The following NCAM2 variants were observed in gnomAD, a reference collection of about 807,000 sequenced individuals.
NCAM2 encodes N-CAM-2.
NCAM2 carries 30 observed loss-of-function variants against 98.1 expected under a neutral mutation model. The observed-to-expected ratio is 0.31, with a 90% CI of 0.23 to 0.41. The LOEUF (loss-of-function observed/expected upper bound fraction) is 0.41. NCAM2 is among the 10% of genes least tolerant of loss of function. NCAM2 has a pLI of 1.00. For missense variants in NCAM2, 867 were observed against 1,005.8 expected (o/e 0.86, Z 1.87); for synonymous variants, 368 against 342.4 (o/e 1.07, Z -0.83).
At chr21:21,088,449 T>A (rs1343554998) in intron 1 of NCAM2, among the ~76,000 whole-genome samples, 7 of 152,224 alleles carry the variant, frequency 4.6e-5, no homozygotes, top group African/African-American at 1.7e-4. Flanking sequence ...TGGGATTCAT[T>A]ACATCTAGTG....
At chr21:21,253,469 T>C (rs531536836) in intron 1 of NCAM2, among the ~76,000 whole-genome samples, 1 of 152,208 alleles carries the variant, frequency 6.6e-6, no homozygotes, top group Admixed American at 6.5e-5. Context: ...TTGGTGCCCT[T>C]TTAAAGAGAC....
chr21:21,348,847 G>T (rs1437674409), intron 8 of NCAM2, among the ~76,000 whole-genome samples: 1 of 152,028 alleles, frequency 6.6e-6, no homozygotes, highest in Non-Finnish European at 1.5e-5. Flanking sequence ...AAGACAGTCT[G>T]TTCAATAAAT....
rs73318646 is a variant in NCAM2 at position 21,265,567 on chromosome 21, G to C, written c.56-15011G>C. On this transcript the variant is annotated intron_variant, in intron 1 of 17. Coordinates refer to ENST00000400546, the MANE Select transcript of NCAM2 (RefSeq NM_004540.5). The stretch of plus-strand genomic sequence containing the variant: ...TATATGTATGTATATATGTATAAGT[G>C]GAATACTACACAGACATTAAAAAAA... Among the ~76,000 whole-genome samples, 1,111 of 147,490 alleles carry C rather than the reference G, an allele frequency of 7.5e-3. 20 individuals are homozygous for C. Among genetic ancestry groups the C allele is most frequent in the African/African-American group, 0.027 (1,077 of 39,966 alleles).
intron 1 of NCAM2, among the ~76,000 whole-genome samples, chr21:21,141,346 T>C (rs1317946437): frequency 1.3e-5 from 2 of 152,166 alleles, no homozygotes; most frequent in Admixed American, 6.6e-5. Context: ...TTGATGATCT[T>C]TGCTAGATCC....
chr21:21,025,376 C>T (rs750358329), intron 1 of NCAM2, among the ~76,000 whole-genome samples: 4 of 152,180 alleles, frequency 2.6e-5, no homozygotes, highest in Non-Finnish European at 5.9e-5. Context: ...AGAGCCACTG[C>T]GCCCGGCCAT....
chr21:21,000,905 C>T (rs2064009310), intron 1 of NCAM2, among the ~76,000 whole-genome samples: 1 of 152,118 alleles, frequency 6.6e-6, no homozygotes, highest in African/African-American at 2.4e-5. Flanking sequence ...AAAAAACAGA[C>T]CTAGTGTAAC....
intron 1 of NCAM2, among the ~76,000 whole-genome samples, chr21:21,184,664 TATTCAA>T (rs1319103903): frequency 6.6e-6 from 1 of 152,160 alleles, no homozygotes; most frequent in Admixed American, 6.6e-5. Context: ...AAAGAGTTAA[TATTCAA>T]ATAACAGTGT....
chr21:21,418,361 G>A (rs2077036729), intron 10 of NCAM2, 112 bp from the exon 11 acceptor site: 1 of 725,768 alleles, frequency 1.4e-6, no homozygotes, highest in Admixed American at 2.3e-5. Context: ...TATATGGTAA[G>A]GAGTTGTTGG....
intron 1 of NCAM2, among the ~76,000 whole-genome samples, chr21:21,224,655 AT>A (rs1449329811): frequency 6.6e-6 from 1 of 152,134 alleles, no homozygotes; most frequent in Non-Finnish European, 1.5e-5. Context: ...CAGTGGCAAT[AT>A]TTGGTAAAGT....
intron 7 of NCAM2, among the ~76,000 whole-genome samples, chr21:21,337,295 C>T (rs995327538): frequency 2.7e-5 from 4 of 148,252 alleles, no homozygotes; most frequent in Admixed American, 1.3e-4. Context: ...GAACATAATA[C>T]ATGAAAATTT....
intron 9 of NCAM2, among the ~76,000 whole-genome samples, chr21:21,403,712 A>G (rs890613254): frequency 1.2e-4 from 19 of 152,220 alleles, no homozygotes; most frequent in Admixed American, 6.5e-5. Flanking sequence ...TGAAGAAGTT[A>G]AATTCCTTCA....
At chr21:21,161,225 T>C (rs1457312029) in intron 1 of NCAM2, among the ~76,000 whole-genome samples, 1 of 151,984 alleles carries the variant, frequency 6.6e-6, no homozygotes. Flanking sequence ...GAATGAAGAT[T>C]AGGGAAACCA....
chr21:21,126,004 G>T (rs1283454058), intron 1 of NCAM2, among the ~76,000 whole-genome samples: 1 of 151,536 alleles, frequency 6.6e-6, no homozygotes, highest in African/African-American at 2.4e-5. Context: ...TTAAGCCAGA[G>T]AATTACTAAG....
intron 8 of NCAM2, among the ~76,000 whole-genome samples, chr21:21,362,020 C>G (rs2075659584): frequency 6.6e-6 from 1 of 152,038 alleles, no homozygotes; most frequent in South Asian, 2.1e-4. Context: ...TTTATTAGCC[C>G]TACTTTAAAT....
At chr21:21,278,088 G>A (rs117072695) in intron 1 of NCAM2, among the ~76,000 whole-genome samples, 2,189 of 152,074 alleles carry the variant, frequency 0.014, 44 homozygotes, top group Admixed American at 0.037. Context: ...AGTTTTAGGG[G>A]AAATAAGATT....
intron 1 of NCAM2, among the ~76,000 whole-genome samples, chr21:21,195,116 G>C (rs1382193595): frequency 6.6e-6 from 1 of 152,092 alleles, no homozygotes; most frequent in Non-Finnish European, 1.5e-5. Context: ...AACCACTGAG[G>C]AAATATAGGA....
intron 10 of NCAM2, among the ~76,000 whole-genome samples, 196 bp downstream of exon 10, chr21:21,410,657 T>G (rs1289678282): frequency 6.6e-6 from 1 of 152,008 alleles, no homozygotes; most frequent in African/African-American, 2.4e-5. Context: ...TTCACTTATA[T>G]AGCAATGTGG....
chr21:21,053,069 AG>A (rs2065143558), intron 1 of NCAM2, among the ~76,000 whole-genome samples: 1 of 152,086 alleles, frequency 6.6e-6, no homozygotes, highest in African/African-American at 2.4e-5. Flanking sequence ...TGAAAAAAAA[AG>A]CAAAAACAAT....
Position 21,338,499 on chromosome 21 carries a change from G to T in NCAM2, c.1009G>T (p.Ala337Ser), listed in dbSNP as rs374986975. The change falls in exon 8 of 18, where the codon GCT becomes TCT. Residue 337 changes from alanine to serine, a missense_variant. Physicochemically the swap from Ala to Ser is moderately conservative, Grantham distance 99 (BLOSUM62 1). Transcript: ENST00000400546. Reference sequence around the variant, plus strand: ...TATTCCAGAAATCACTTGGAAAAGAGCTGTGGATGGCTTCACGTTCACTGA... The same window carrying T: ...TATTCCAGAAATCACTTGGAAAAGATCTGTGGATGGCTTCACGTTCACTGA... ...EPIPEITWKR[A>S]VDGFTFTEGD... 5.8e-5 allele frequency: 93 copies of T among 1,612,444 alleles called. No homozygotes were observed. In the African/African-American group the frequency reaches 1.0e-3, roughly 18 times the overall value.
Sources: allele counts gnomAD v4.1 joint callset (sites outside exome capture counted in the v4.1 genomes callset), GRCh38; gene constraint gnomAD v4.1.1; transcripts MANE v1.5; gene names NCBI Gene and HGNC (gene_info 2026-07-23, HGNC 2026-07-21).